PGBD5: variants seen among roughly 807,000 people sequenced by gnomAD.
The protein encoded by PGBD5 is piggyBac transposable element-derived protein 5.
PGBD5 carries 14 observed loss-of-function variants against 47.9 expected under a neutral mutation model. That is an observed-to-expected ratio of 0.29 (90% CI 0.19 to 0.46). The LOEUF is 0.46. Among genes scored for constraint, PGBD5 ranks in the 20% least tolerant of loss-of-function variants. The pLI is 1.00. For missense variants in PGBD5, 635 were observed against 716.0 expected (o/e 0.89, Z 1.29); for synonymous variants, 316 against 306.3 (o/e 1.03, Z -0.33).
At chr1:230,376,523 G>A (rs1271573150) in intron 1 of PGBD5, among the ~76,000 whole-genome samples, 1 of 152,188 alleles carries the variant, frequency 6.6e-6, no homozygotes, top group African/African-American at 2.4e-5. Context: ...TGAGATGCCT[G>A]AGGTCCTGGC....
intron 5 of PGBD5, among the ~76,000 whole-genome samples, chr1:230,328,536 A>AGAAT (rs1667160132): frequency 6.6e-6 from 1 of 152,204 alleles, no homozygotes; most frequent in Non-Finnish European, 1.5e-5. Context: ...TGAATCACTG[A>AGAAT]GAATGGCGTG....
intron 1 of PGBD5, among the ~76,000 whole-genome samples, chr1:230,421,353 A>G (rs573400178): frequency 6.6e-6 from 1 of 152,320 alleles, no homozygotes; most frequent in South Asian, 2.1e-4. Flanking sequence ...CATAAAAATA[A>G]ATATTTTTTA....
At chr1:230,394,452 G>A (rs977210332) in intron 1 of PGBD5, among the ~76,000 whole-genome samples, 2 of 119,736 alleles carry the variant, frequency 1.7e-5, no homozygotes, top group African/African-American at 6.8e-5. Flanking sequence ...TCCCTGTGCT[G>A]CTCCTCCCCC....
chr1:230,381,897 C>A (rs1656507709), intron 1 of PGBD5, among the ~76,000 whole-genome samples: 1 of 152,158 alleles, frequency 6.6e-6, no homozygotes, highest in South Asian at 2.1e-4. Flanking sequence ...CCTCTCCCAT[C>A]CTACATCCAC....
At chr1:230,359,220 C>T (rs1275749866) in intron 1 of PGBD5, among the ~76,000 whole-genome samples, 2 of 152,134 alleles carry the variant, frequency 1.3e-5, no homozygotes, top group African/African-American at 2.4e-5. Flanking sequence ...CGCCACCACG[C>T]CTGGCTAATT....
intron 3 of PGBD5, among the ~76,000 whole-genome samples, chr1:230,340,384 A>G (rs1241487320): frequency 1.3e-5 from 2 of 152,182 alleles, no homozygotes; most frequent in Admixed American, 6.5e-5. Context: ...ATGTAGAAAA[A>G]GTGTTTAATA....
intron 1 of PGBD5, chr1:230,377,454 A>G: frequency 6.3e-7 from 1 of 1,595,748 alleles, no homozygotes; most frequent in Non-Finnish European, 8.6e-7. Context: ...GGATGAAAAG[A>G]TCTCTTGCCC....
intron 1 of PGBD5, among the ~76,000 whole-genome samples, chr1:230,420,503 C>T (rs148327344): frequency 9.3e-4 from 141 of 152,236 alleles, no homozygotes; most frequent in African/African-American, 3.2e-3. Context: ...GTGTCAAGGG[C>T]GGGGCCAGGT....
Position 230,351,048 on chromosome 1 carries a change from G to A in PGBD5, c.804C>T (p.Ala268=). ...PLIDEDPVFI[A]TCTERELRKR... is the part of the protein sequence containing the mutation. ...TTCGCAGCTCCCGCTCTGTGCACGTGGCAATGAATACAGGATCCTCATCGA... is the reference window on the plus strand; with the variant it reads ...TTCGCAGCTCCCGCTCTGTGCACGTAGCAATGAATACAGGATCCTCATCGA... The change falls in exon 3 of 7, where the codon GCC becomes GCT. Residue 268 remains alanine, a synonymous_variant. Transcript: ENST00000391860. 6.2e-7 allele frequency: 1 copy of A among 1,613,984 alleles called. No individual in the cohort carries two copies. The highest frequency in any genetic ancestry group is 2.2e-5 in the East Asian group (1 of 44,850).
At chr1:230,421,966 C>T (rs917242696) in intron 1 of PGBD5, among the ~76,000 whole-genome samples, 8 of 152,094 alleles carry the variant, frequency 5.3e-5, no homozygotes, top group African/African-American at 1.9e-4. Context: ...AAACCAACAA[C>T]AAACTGTAAA....
chr1:230,316,487 C>T lies in PGBD5; in HGVS notation c.*6938G>A, dbSNP rs11122493. On this transcript the variant is annotated 3_prime_UTR_variant, in exon 7 of 7. Transcript: ENST00000391860. ...GCTTCCATCCCCTGTTCATTCCTTC[C>T]GTGGTCTACCCACTGGGAGGGAGCG... 69,569 of 152,100 alleles carry T rather than the reference C, an allele frequency of 0.46. 17,244 individuals carry two copies. The highest frequency in any genetic ancestry group is 0.55 in the Non-Finnish European group (37,254 of 67,994). 9.4% of individuals were successfully genotyped at this position (152,100 alleles called of 1,614,324 possible).
At chr1:230,331,588 T>C (rs946120746) in intron 5 of PGBD5, among the ~76,000 whole-genome samples, 5 of 151,992 alleles carry the variant, frequency 3.3e-5, no homozygotes, top group African/African-American at 4.8e-5. Flanking sequence ...AGCCTTTCTT[T>C]TCCTTCTTCA....
At chr1:230,363,581 C>CA (rs58358621) in intron 1 of PGBD5, among the ~76,000 whole-genome samples, 2,305 of 138,182 alleles carry the variant, frequency 0.017, 43 homozygotes, top group African/African-American at 0.05. Context: ...GACTCCATCT[C>CA]AAAAAAAAAA....
chr1:230,353,958 G>A (rs1258856594), intron 2 of PGBD5, among the ~76,000 whole-genome samples: 1 of 152,148 alleles, frequency 6.6e-6, no homozygotes, highest in Non-Finnish European at 1.5e-5. Flanking sequence ...TGCAGGAGCC[G>A]AGCAGGGCGG....
In PGBD5 at chr1:230,404,625, A is replaced by ATAT. The variant is rs1553290460; in HGVS notation, c.331+20972_331+20973insATA. Among the ~76,000 whole-genome samples, 796 of 125,778 alleles carry ATAT rather than the reference A, an allele frequency of 6.3e-3. 7 individuals are homozygous for ATAT. Among genetic ancestry groups the ATAT allele is most frequent in the African/African-American group, 0.021 (688 of 32,422 alleles). The allele number at this position is 125,778 out of a possible 152,430, so 82.5% of individuals were successfully genotyped here. On this transcript the variant is annotated intron_variant, in intron 1 of 6. Transcript: ENST00000391860. ...AAGTCTTGTCTCAAAAAAAAAAAAA[A>ATAT]AAAAATATATATATATATATATATG...
At chr1:230,373,018 G>A (rs1029878349) in intron 1 of PGBD5, among the ~76,000 whole-genome samples, 7 of 152,216 alleles carry the variant, frequency 4.6e-5, no homozygotes, top group African/African-American at 1.7e-4. Context: ...TCCCAAAGGA[G>A]TTTTCACTTT....
In PGBD5 at chr1:230,316,235, CAT is replaced by C. The variant is rs1448195986; in HGVS notation, c.*7188_*7189del. 8.3e-4 allele frequency: 127 copies of C among 152,946 alleles called. 1 individual carries two copies. Among genetic ancestry groups the C allele is most frequent in the African/African-American group, 2.5e-3 (104 of 41,456 alleles). 9.5% of individuals were successfully genotyped at this position (152,946 alleles called of 1,614,324 possible). On this transcript the variant is annotated 3_prime_UTR_variant, in exon 7 of 7. Transcript: ENST00000391860. Reference sequence around the variant, plus strand: ...ACACATGTGTATATGTGTATACGTACATATGTGTATATATGTATTAAGTGGAC... The same window carrying C: ...ACACATGTGTATATGTGTATACGTACATGTGTATATATGTATTAAGTGGAC...
At chr1:230,397,376 T>C (rs6678029) in intron 1 of PGBD5, among the ~76,000 whole-genome samples, 1,825 of 152,346 alleles carry the variant, frequency 0.012, 44 homozygotes, top group African/African-American at 0.042. Context: ...AGTAAGACTT[T>C]CATAATTTTG....
At chr1:230,375,060 T>G (rs1667989905) in intron 1 of PGBD5, among the ~76,000 whole-genome samples, 1 of 152,176 alleles carries the variant, frequency 6.6e-6, no homozygotes, top group Non-Finnish European at 1.5e-5. Context: ...TCTTTGGAAT[T>G]TCCCTCTTCC....
Sources: allele counts gnomAD v4.1 joint callset (sites outside exome capture counted in the v4.1 genomes callset), GRCh38; gene constraint gnomAD v4.1.1; transcripts MANE v1.5; gene names NCBI Gene and HGNC (gene_info 2026-07-23, HGNC 2026-07-21).